BBS5: variants seen among roughly 807,000 people sequenced by gnomAD.
BBS5 encodes the protein BBSome complex member BBS5.
In BBS5, 39 loss-of-function variants were observed where a neutral mutation model predicts 50.2. The observed-to-expected ratio is 0.78, with a 90% CI of 0.60 to 1.01. BBS5 has a LOEUF of 1.01. Among genes scored for constraint, BBS5 ranks in the 50% least tolerant of loss-of-function variants. The pLI, the probability that BBS5 is intolerant of heterozygous loss-of-function variation, is 0.00. For synonymous variants in BBS5, 134 were observed against 133.1 expected (o/e 1.01, Z -0.05); for missense variants, 356 against 401.5 (o/e 0.89, Z 0.97).
intron 6 of BBS5, 107 bp downstream of exon 6, chr2:169,493,116 A>G: frequency 2.3e-6 from 3 of 1,332,038 alleles, no homozygotes; most frequent in South Asian, 1.2e-5. Context: ...AATTAGCATT[A>G]TAGGAAAGCG....
Position 169,500,626 on chromosome 2 carries a change from T to C in BBS5, c.816+1006T>C, listed in dbSNP as rs1314082830. Among the ~76,000 whole-genome samples the C allele has an allele frequency of 2.6e-5, 4 of 152,230 alleles. No individual in the cohort carries two copies. In the East Asian group the frequency reaches 7.7e-4, roughly 29 times the overall value. ...CCATATCACAGCCATTACTTATATC[T>C]CTTCTTCTGCTCTTGGACTACAGCA... On this transcript the variant is annotated intron_variant, in intron 9 of 11. Coordinates refer to ENST00000295240, the MANE Select transcript of BBS5 (RefSeq NM_152384.3).
chr2:169,499,356 G>T, intron 8 of BBS5, 130 bp from the exon 9 acceptor site: 1 of 1,002,460 alleles, frequency 1.0e-6, no homozygotes. Context: ...ATAATAAAAA[G>T]TTTAATTGAA....
At chr2:169,497,765 A>G (rs1683722555) in intron 8 of BBS5, 76 bp downstream of exon 8, 1 of 954,816 alleles carries the variant, frequency 1.0e-6, no homozygotes, top group Admixed American at 1.9e-5. Flanking sequence ...TTTTATTTAT[A>G]TAGTAATCAG....
rs565720395 is a variant in BBS5, at chr2:169,490,647, G to A, written c.387-2227G>A. ...TATAATGGCTTAATTTTTTAATTGAGATATAATTCACATAAAATTTTACAT... is the reference window on the plus strand; with the variant it reads ...TATAATGGCTTAATTTTTTAATTGAAATATAATTCACATAAAATTTTACAT... On this transcript the variant is annotated intron_variant, in intron 5 of 11. Transcript: ENST00000295240. 1.3e-4 allele frequency among the ~76,000 whole-genome samples: 19 copies of A among 151,998 alleles called. No homozygotes were observed. In the East Asian group the frequency reaches 3.1e-3, roughly 25 times the overall value.
chr2:169,492,723 A>G (rs764136196), intron 5 of BBS5, 151 bp from the exon 6 acceptor site: 9 of 778,522 alleles, frequency 1.2e-5, no homozygotes, highest in East Asian at 3.0e-5. Context: ...TATAAGAACA[A>G]TTTTTAAAAA....
intron 2 of BBS5, 96 bp from the exon 3 acceptor site, chr2:169,486,973 C>G (rs1683496414): frequency 1.2e-6 from 1 of 827,516 alleles, no homozygotes; most frequent in East Asian, 2.4e-5. Context: ...AGTGTTGCTT[C>G]TAATACTGGG....
At chr2:169,500,859 A>T (rs1028193603) in intron 9 of BBS5, among the ~76,000 whole-genome samples, 1 of 151,134 alleles carries the variant, frequency 6.6e-6, no homozygotes, top group African/African-American at 2.4e-5. Flanking sequence ...TCTCCCTTTC[A>T]CTCTGCCTTC....
chr2:169,499,647 G>T lies in BBS5; in HGVS notation c.816+27G>T, dbSNP rs201741047. On this transcript the variant is annotated intron_variant, in intron 9 of 11. Coordinates refer to ENST00000295240, the MANE Select transcript of BBS5 (RefSeq NM_152384.3). ...TAATTTGTTGAGTATGTGAAATAAA[G>T]TTTGCATTGCTTTATGCAGTCTATA... The T allele has an allele frequency of 3.2e-5, 51 of 1,610,432 alleles. No individual in the cohort carries two copies. In the East Asian group the frequency reaches 1.0e-3, roughly 32 times the overall value.
At position 169,479,518 on chromosome 2, in the gene BBS5, G is replaced by C. The variant is rs766694898; in HGVS notation, c.-36G>C. The C allele has an allele frequency of 5.0e-6, 8 of 1,610,948 alleles. No homozygotes were observed. The highest frequency in any genetic ancestry group is 5.1e-6 in the Non-Finnish European group (6 of 1,177,286). On this transcript the variant is annotated 5_prime_UTR_variant, in exon 1 of 12. Coordinates refer to ENST00000295240, the MANE Select transcript of BBS5 (RefSeq NM_152384.3). ...CAGAGAGACGCAGCTAGGCCTGCACGGCTGTGGAGAGATCCTGCCACGGGC... is the reference window on the plus strand; with the variant it reads ...CAGAGAGACGCAGCTAGGCCTGCACCGCTGTGGAGAGATCCTGCCACGGGC...
intron 3 of BBS5, among the ~76,000 whole-genome samples, chr2:169,487,356 T>A (rs1683503917): frequency 1.3e-5 from 2 of 152,180 alleles, no homozygotes. Flanking sequence ...CCTTGGTTCT[T>A]GTTTTTTGAT....
At chr2:169,500,410 G>A (rs572976735) in intron 9 of BBS5, among the ~76,000 whole-genome samples, 1 of 152,270 alleles carries the variant, frequency 6.6e-6, no homozygotes, top group East Asian at 1.9e-4. Context: ...TTCTGTCAGA[G>A]GTGCTCTTTC....
chr2:169,488,903 T>C (rs571410152), intron 5 of BBS5, among the ~76,000 whole-genome samples: 73 of 152,360 alleles, frequency 4.8e-4, no homozygotes, highest in African/African-American at 1.7e-3. Context: ...AAAGGTTATT[T>C]TTCTAGTAGG....
Position 169,488,004 on chromosome 2 carries a change from T to C in BBS5, c.276T>C (p.Thr92=), listed in dbSNP as rs775970045. 1.2e-6 allele frequency: 2 copies of C among 1,613,702 alleles called. No homozygotes were observed. The highest frequency in any genetic ancestry group is 3.3e-5 in the Admixed American group (2 of 60,000). ...CCTTACAGAAATTACGAGGCCAAAC[T>C]GAAGCTCTCTATATACTAACAAAAT... The part of the protein sequence containing the change: ...RTANSKLRGQ[T]EALYILTKCN... The change falls in exon 5 of 12, where the codon ACT becomes ACC. Residue 92 remains threonine, a synonymous_variant. Transcript: ENST00000295240.
intron 7 of BBS5, among the ~76,000 whole-genome samples, chr2:169,496,704 C>G (rs1683699575): frequency 6.8e-6 from 1 of 146,826 alleles, no homozygotes; most frequent in South Asian, 2.1e-4. Flanking sequence ...CCCGTCTCTA[C>G]TAAAAATACA....
At chr2:169,488,176 A>G in intron 5 of BBS5, 62 bp downstream of exon 5, 2 of 1,537,718 alleles carry the variant, frequency 1.3e-6, no homozygotes, top group Non-Finnish European at 1.8e-6. Context: ...TTAGACTGCA[A>G]CAGTCCCCAA....
At chr2:169,494,727 A>G (rs1366910893) in intron 7 of BBS5, among the ~76,000 whole-genome samples, 2 of 152,234 alleles carry the variant, frequency 1.3e-5, no homozygotes, top group Admixed American at 6.5e-5. Context: ...TGTTTTATAT[A>G]AACTACTTAT....
intron 1 of BBS5, 113 bp from the exon 2 acceptor site, chr2:169,482,138 A>G: frequency 1.3e-6 from 1 of 763,278 alleles, no homozygotes; most frequent in Non-Finnish European, 2.4e-6. Flanking sequence ...CATTTGGTAC[A>G]GTATTATTTA....
At position 169,487,129 on chromosome 2, in the gene BBS5, ATGTT is replaced by A. The variant is rs371415519; in HGVS notation, c.207_208+2del. On this transcript the variant is annotated frameshift_variant and splice_region_variant, in exon 3 of 12. Coordinates refer to ENST00000295240, the MANE Select transcript of BBS5 (RefSeq NM_152384.3). LOFTEE classifies it high-confidence loss of function. ...CACTCTTTGGCATTATCAAGAGTCA[ATGTT>A]TGTAAGTATCTTTGTTAGATAAGTC... 6.2e-7 allele frequency: 1 copy of A among 1,607,242 alleles called. No homozygotes were observed. The highest frequency in any genetic ancestry group is 1.1e-5 in the South Asian group (1 of 90,920).
chr2:169,496,849 A>G (rs1683703119), intron 7 of BBS5, among the ~76,000 whole-genome samples: 1 of 152,088 alleles, frequency 6.6e-6, no homozygotes, highest in Non-Finnish European at 1.5e-5. Context: ...AGCCTGGGCA[A>G]CAGAGCGAGA....
Sources: allele counts gnomAD v4.1 joint callset (sites outside exome capture counted in the v4.1 genomes callset), GRCh38; gene constraint gnomAD v4.1.1; transcripts MANE v1.5; gene names NCBI Gene and HGNC (gene_info 2026-07-23, HGNC 2026-07-21).